The following CCDC159 variants were observed in gnomAD, a reference collection of about 807,000 sequenced individuals.
CCDC159 encodes the protein coiled-coil domain containing 159.
A neutral mutation model predicts 50.9 loss-of-function variants in CCDC159; 40 were observed. That is an observed-to-expected ratio of 0.79 (90% CI 0.61 to 1.02). The LOEUF is 1.02. Among genes scored for constraint, CCDC159 ranks in the 50% least tolerant of loss-of-function variants. CCDC159 has a pLI of 0.00. For synonymous variants in CCDC159, 146 were observed against 138.9 expected (o/e 1.05, Z -0.36); for missense variants, 356 against 371.5 (o/e 0.96, Z 0.34).
In CCDC159 at chr19:11,352,175, G is replaced by A; in HGVS notation, c.567+42G>A. On this transcript the variant is annotated intron_variant, in intron 7 of 10. Transcript: ENST00000458408. ...GGGACCCTGGGGAGGAGTGGGAGAG[G>A]GAGGGATGGGGATTTTGGCCAGCCT... 3 of 1,595,130 alleles carry A rather than the reference G, an allele frequency of 1.9e-6. No homozygotes were observed. In the East Asian group the frequency reaches 6.7e-5, roughly 36 times the overall value.
At chr19:11,348,008 C>T (rs777204138) in intron 1 of CCDC159, 1 of 411,844 alleles carries the variant, frequency 2.4e-6, no homozygotes, top group Non-Finnish European at 4.8e-6. Context: ...AAACTCCTGG[C>T]TTGGCCGTCA....
intron 8 of CCDC159, 56 bp downstream of exon 8, chr19:11,353,628 CG>C: frequency 6.2e-7 from 1 of 1,602,088 alleles, no homozygotes; most frequent in Non-Finnish European, 8.5e-7. Flanking sequence ...GTTCCCCCAA[CG>C]GGATCTGGCA....
intron 7 of CCDC159, 125 bp from the exon 8 acceptor site, chr19:11,353,326 T>G (rs928391331): frequency 1.0e-6 from 1 of 976,570 alleles, no homozygotes; most frequent in Non-Finnish European, 1.5e-6. Flanking sequence ...GGTCTCAATC[T>G]CCTGACCTCG....
intron 1 of CCDC159, chr19:11,348,688 G>T: frequency 2.2e-6 from 1 of 458,720 alleles, no homozygotes; most frequent in Non-Finnish European, 4.4e-6. Context: ...GTCAGGGAGG[G>T]TCTGGGGGCA....
chr19:11,349,770 C>A, intron 2 of CCDC159, 83 bp downstream of exon 2: 1 of 1,270,248 alleles, frequency 7.9e-7, no homozygotes, highest in Non-Finnish European at 1.1e-6. Flanking sequence ...CATCAGCTGT[C>A]CCCCTGCCAT....
At chr19:11,351,866 C>G (rs376923492) in intron 5 of CCDC159, 40 bp from the exon 6 acceptor site, 17 of 1,550,626 alleles carry the variant, frequency 1.1e-5, no homozygotes, top group Non-Finnish European at 1.4e-5. Flanking sequence ...GGTCAGGGGC[C>G]AGGCAGGGAG....
At chr19:11,350,450 C>A (rs190121153) in intron 4 of CCDC159, among the ~76,000 whole-genome samples, 3 of 149,586 alleles carry the variant, frequency 2.0e-5, no homozygotes, top group Non-Finnish European at 4.4e-5. Context: ...GTCAGGAGTT[C>A]GAGACCAGCC....
Position 11,347,527 on chromosome 19 carries a change from T to A in CCDC159, c.21+900T>A, listed in dbSNP as rs532023346. Among the ~76,000 whole-genome samples the A allele has an allele frequency of 3.8e-3, 583 of 152,178 alleles. 4 individuals carry two copies. Among genetic ancestry groups the A allele is most frequent in the African/African-American group, 0.014 (563 of 41,528 alleles). ...GTATTTTTAGTAGAGATGGGGTTTC[T>A]CCATGTTGGCCAGGCTGGTCTCGAA... On this transcript the variant is annotated intron_variant, in intron 1 of 10. Transcript: ENST00000458408.
Position 11,353,999 on chromosome 19 carries a change from G to C in CCDC159, c.772+125G>C. 6.9e-6 allele frequency: 5 copies of C among 728,498 alleles called. No homozygotes were observed. In the South Asian group the frequency reaches 9.7e-5, roughly 14 times the overall value. 45.1% of individuals were successfully genotyped at this position (728,498 alleles called of 1,614,324 possible). On this transcript the variant is annotated intron_variant, in intron 9 of 10. Coordinates refer to ENST00000458408, the MANE Select transcript of CCDC159 (RefSeq NM_001080503.3). Reference sequence around the variant, plus strand: ...TGTTATTCTATGGTCACATTAAGTAGTGTTCTGGGGTCACATTAAGGAGTC... The same window carrying C: ...TGTTATTCTATGGTCACATTAAGTACTGTTCTGGGGTCACATTAAGGAGTC...
chr19:11,353,548 T>C lies in CCDC159; in HGVS notation c.665T>C (p.Leu222Pro). ...QGASGCWKDD[L>P]QKELSDIWSA... is the part of the protein sequence containing the mutation. Reference sequence around the variant, plus strand: ...GCCAGTGGCTGCTGGAAGGATGACCTCCAGAAGGAACTGAGTGATATATGG... The same window carrying C: ...GCCAGTGGCTGCTGGAAGGATGACCCCCAGAAGGAACTGAGTGATATATGG... Residue 222 changes from leucine to proline, a missense_variant, in exon 8 of 11, where the codon CTC becomes CCC. By Grantham distance (98) the Leu-to-Pro change is moderately conservative. Coordinates refer to ENST00000458408, the MANE Select transcript of CCDC159 (RefSeq NM_001080503.3). 1 of 1,613,708 alleles carries C rather than the reference T, an allele frequency of 6.2e-7. No homozygotes were observed. The highest frequency in any genetic ancestry group is 8.5e-7 in the Non-Finnish European group (1 of 1,179,808).
At chr19:11,347,745 A>C (rs1967335988) in intron 1 of CCDC159, among the ~76,000 whole-genome samples, 1 of 152,182 alleles carries the variant, frequency 6.6e-6, no homozygotes, top group African/African-American at 2.4e-5. Flanking sequence ...GCTGAGTGTG[A>C]CTCAGGGCAA....
intron 1 of CCDC159, chr19:11,349,156 T>C (rs1226296113): frequency 2.2e-6 from 3 of 1,348,756 alleles, no homozygotes; most frequent in Non-Finnish European, 2.0e-6. Flanking sequence ...AGTGCTGTAA[T>C]GACCAGGACA....
intron 1 of CCDC159, among the ~76,000 whole-genome samples, chr19:11,347,826 A>C (rs1172874919): frequency 6.6e-6 from 1 of 152,228 alleles, no homozygotes; most frequent in Non-Finnish European, 1.5e-5. Flanking sequence ...ATATGTGGCT[A>C]TACTGGAGGG....
chr19:11,349,719 G>T (rs1424877298), intron 2 of CCDC159, 32 bp downstream of exon 2: 2 of 1,525,802 alleles, frequency 1.3e-6, no homozygotes, highest in Non-Finnish European at 1.8e-6. Flanking sequence ...AAAACTGTGT[G>T]GGGAAGACCT....
At chr19:11,350,698 G>A in intron 4 of CCDC159, 110 bp from the exon 5 acceptor site, 1 of 1,103,698 alleles carries the variant, frequency 9.1e-7, no homozygotes, top group Non-Finnish European at 1.3e-6. Context: ...GATCAGCTGG[G>A]CCAGGCCAGG....
Position 11,353,589 on chromosome 19 carries a change from A to G in CCDC159, c.689+17A>G. On this transcript the variant is annotated intron_variant, in intron 8 of 10. Transcript: ENST00000458408. The stretch of plus-strand genomic sequence containing the variant: ...TGATATATGGTGATGCCCAGCCTGC[A>G]GTCTGACCCCTGACCCTCCTCTGAA... 10 of 1,609,818 alleles carry G rather than the reference A, an allele frequency of 6.2e-6. No individual in the cohort carries two copies. Among genetic ancestry groups the G allele is most frequent in the South Asian group, 5.5e-5 (5 of 90,934 alleles).
rs115128157 is a variant in CCDC159 at position 11,349,102 on chromosome 19, G to A, written c.22-552G>A. Reference sequence around the variant, plus strand: ...GGCCAGGGTGGGGCTCAGGGCCTTCGCCACATGAGGCTGCCCCCTCCCCCA... The same window carrying A: ...GGCCAGGGTGGGGCTCAGGGCCTTCACCACATGAGGCTGCCCCCTCCCCCA... On this transcript the variant is annotated intron_variant, in intron 1 of 10. Coordinates refer to ENST00000458408, the MANE Select transcript of CCDC159 (RefSeq NM_001080503.3). 6.2e-4 allele frequency: 834 copies of A among 1,348,818 alleles called. 7 individuals are homozygous for A. The African/African-American group carries it at 0.011, about 18-fold the overall frequency. The allele number at this position is 1,348,818 out of a possible 1,614,324, so 83.6% of individuals were successfully genotyped here.
At chr19:11,349,891 A>G in intron 2 of CCDC159, 47 bp from the exon 3 acceptor site, 1 of 1,579,818 alleles carries the variant, frequency 6.3e-7, no homozygotes, top group Non-Finnish European at 8.7e-7. Flanking sequence ...CCCTTGCCCC[A>G]GACCCCACCC....
intron 1 of CCDC159, chr19:11,349,140 AG>A (rs1254710630): frequency 7.4e-7 from 1 of 1,352,112 alleles, no homozygotes; most frequent in African/African-American, 1.5e-5. Flanking sequence ...CCAGACCTGC[AG>A]AAGCAGTGCT....
Sources: gnomAD v4.1 joint callset for allele counts (sites outside exome capture counted in the v4.1 genomes callset) on GRCh38, gnomAD v4.1.1 for gene constraint, MANE v1.5 for transcripts, NCBI Gene and HGNC (gene_info 2026-07-23, HGNC 2026-07-21) for gene names.